The following PCYT1A variants were observed in gnomAD, a reference collection of about 807,000 sequenced individuals.
PCYT1A encodes phosphate cytidylyltransferase 1A, choline, also known as choline-phosphate cytidylyltransferase A.
Under a neutral mutation model 43.7 loss-of-function variants are expected in PCYT1A, and 25 were observed. The ratio of observed to expected loss-of-function variants is 0.57; its 90% CI spans 0.42 to 0.80. The LOEUF is 0.80. PCYT1A is among the 30% of genes least tolerant of loss of function. PCYT1A has a pLI of 0.00. For missense variants in PCYT1A, 421 were observed against 474.2 expected (o/e 0.89, Z 1.04); for synonymous variants, 172 against 170.7 (o/e 1.01, Z -0.06).
chr3:196,254,333 A>T (rs1036106542), intron 3 of PCYT1A, among the ~76,000 whole-genome samples: 32 of 151,116 alleles, frequency 2.1e-4, no homozygotes, highest in Admixed American at 4.6e-4. Flanking sequence ...GCCTATATAT[A>T]TATTTTTTTA....
At chr3:196,259,630 G>T (rs1021949828) in intron 2 of PCYT1A, among the ~76,000 whole-genome samples, 3 of 151,938 alleles carry the variant, frequency 2.0e-5, no homozygotes, top group African/African-American at 7.3e-5. Context: ...GATTGCTTGA[G>T]CCCAGGAGTT....
chr3:196,287,421 T>G (rs1454444572), intron 1 of PCYT1A, 194 bp downstream of exon 1: 1 of 152,012 alleles, frequency 6.6e-6, no homozygotes, highest in East Asian at 1.9e-4. Flanking sequence ...CTCTCCGAGG[T>G]CACCGTGTTT....
At chr3:196,244,500 C>A (rs1296861309) in intron 5 of PCYT1A, among the ~76,000 whole-genome samples, 1 of 151,712 alleles carries the variant, frequency 6.6e-6, no homozygotes, top group Non-Finnish European at 1.5e-5. Context: ...CGGCAGCCAC[C>A]CCGTCCGGGA....
intron 1 of PCYT1A, among the ~76,000 whole-genome samples, chr3:196,274,661 T>A (rs1263465354): frequency 1.3e-5 from 2 of 152,176 alleles, no homozygotes; most frequent in African/African-American, 4.8e-5. Flanking sequence ...CCCTACTGCC[T>A]CTCATAAGCC....
At chr3:196,253,238 G>A (rs1329099656) in intron 3 of PCYT1A, among the ~76,000 whole-genome samples, 1 of 149,408 alleles carries the variant, frequency 6.7e-6, no homozygotes, top group Non-Finnish European at 1.5e-5. Flanking sequence ...TCGGGAGGCT[G>A]AGGCAGGAGA....
At position 196,238,563 on chromosome 3, in the gene PCYT1A, T is replaced by TC; in HGVS notation, c.*124dup. On this transcript the variant is annotated 3_prime_UTR_variant, in exon 9 of 9. Coordinates refer to ENST00000431016, the MANE Select transcript of PCYT1A (RefSeq NM_001312673.2). ...GGTTCCCCCAGTCCTAGGTCTTCTT[T>TC]CCCCAGTTGTCTTTCCTTTGTAGCT... 1.5e-6 allele frequency: 1 copy of TC among 655,534 alleles called. No individual in the cohort carries two copies. The highest frequency in any genetic ancestry group is 2.5e-6 in the Non-Finnish European group (1 of 400,908). The allele number at this position is 655,534 out of a possible 1,614,324, so 40.6% of individuals were successfully genotyped here. A position where few individuals can be genotyped will look rare whatever the true frequency, so the allele number is the denominator to read the frequency against.
intron 5 of PCYT1A, among the ~76,000 whole-genome samples, chr3:196,243,925 G>T (rs1724454842): frequency 6.6e-6 from 1 of 152,264 alleles, no homozygotes; most frequent in African/African-American, 2.4e-5. Context: ...CTCCCAAAGT[G>T]CTGAGACTGC....
At position 196,273,584 on chromosome 3, in the gene PCYT1A, G is replaced by A. The variant is rs749789966; in HGVS notation, c.-10-3043C>T. On this transcript the variant is annotated intron_variant, in intron 1 of 8. Transcript: ENST00000431016. The surrounding 1 kb of genome is among the most constrained non-coding windows in gnomAD (Gnocchi z 4.1). ...CCTCAGCGGAGAGGAGACCCAGAGT[G>A]GATAGCTCCTATCTGCAGGCAGGTC... 6.6e-6 allele frequency among the ~76,000 whole-genome samples: 1 copy of A among 150,690 alleles called. No homozygotes were observed. Among genetic ancestry groups the A allele is most frequent in the Non-Finnish European group, 1.5e-5 (1 of 68,020 alleles).
intron 3 of PCYT1A, among the ~76,000 whole-genome samples, chr3:196,254,457 C>G (rs1017135712): frequency 1.1e-4 from 16 of 152,064 alleles, no homozygotes; most frequent in South Asian, 2.1e-4. Flanking sequence ...CTCAAACAAT[C>G]CTCTCACCTC....
At chr3:196,264,075 A>C (rs1208127327) in intron 2 of PCYT1A, among the ~76,000 whole-genome samples, 2 of 152,136 alleles carry the variant, frequency 1.3e-5, no homozygotes, top group Admixed American at 6.6e-5. Flanking sequence ...GTACTAAGTT[A>C]AACTCTTTGT....
At chr3:196,239,010 G>T in intron 8 of PCYT1A, 116 bp from the exon 9 acceptor site, 1 of 520,012 alleles carries the variant, frequency 1.9e-6, no homozygotes, top group Non-Finnish European at 3.0e-6. Flanking sequence ...GTTCTCCCCT[G>T]CTGTCATCAC....
intron 2 of PCYT1A, among the ~76,000 whole-genome samples, chr3:196,258,168 C>T (rs1725003857): frequency 2.0e-5 from 3 of 151,876 alleles, no homozygotes; most frequent in South Asian, 2.1e-4. Flanking sequence ...CACCTGTAAT[C>T]CCAGCTACTC....
intron 1 of PCYT1A, among the ~76,000 whole-genome samples, chr3:196,284,285 TA>T (rs1171061304): frequency 6.6e-6 from 1 of 152,220 alleles, no homozygotes; most frequent in East Asian, 1.9e-4. Context: ...TCAGCACTTA[TA>T]ACATCTCTAG....
rs546850985 is a variant in PCYT1A at position 196,236,116 on chromosome 3, A to G, written c.*2572T>C. On this transcript the variant is annotated 3_prime_UTR_variant, in exon 9 of 9. Transcript: ENST00000431016. ...TCAGCCTGCAGGTCCCGTTCCAAGC[A>G]CAGGGCATGCCAAGAGCAGCCCACT... 1 of 152,234 alleles carries G rather than the reference A, an allele frequency of 6.6e-6. No homozygotes were observed. Among genetic ancestry groups the G allele is most frequent in the Non-Finnish European group, 1.5e-5 (1 of 68,040 alleles). The allele number at this position is 152,234 out of a possible 1,614,324, so 9.4% of individuals were successfully genotyped here. A position where few individuals can be genotyped will look rare whatever the true frequency, so the allele number is the denominator to read the frequency against.
At chr3:196,265,840 G>T (rs1357712455) in intron 2 of PCYT1A, among the ~76,000 whole-genome samples, 2 of 151,924 alleles carry the variant, frequency 1.3e-5, no homozygotes, top group Non-Finnish European at 2.9e-5. Flanking sequence ...CTGGGTTCAC[G>T]CCATTCTCCT....
chr3:196,239,695 T>C lies in PCYT1A; in HGVS notation c.749A>G (p.Lys250Arg), dbSNP rs781390558. The C allele has an allele frequency of 2.5e-6, 4 of 1,612,026 alleles. No homozygotes were observed. The highest frequency in any genetic ancestry group is 2.5e-6 in the Non-Finnish European group (3 of 1,178,162). Residue 250 changes from lysine (K) to arginine (R), a missense_variant, in exon 8 of 9, where the codon AAG (lysine) becomes AGG (arginine). This residue lies in a region of PCYT1A where 174 missense variants were observed against 270.7 expected (regional missense o/e 0.64). Coordinates refer to ENST00000431016, the MANE Select transcript of PCYT1A (RefSeq NM_001312673.2). Reference sequence around the variant, plus strand: ...TTCCTCCACATCTTTCACTTTCTTCTTTACTTTGTCAACCCTCTCCTGCAA... The same window carrying C: ...TTCCTCCACATCTTTCACTTTCTTCCTTACTTTGTCAACCCTCTCCTGCAA... The part of the protein sequence containing the change: ...YHLQERVDKV[K>R]KKVKDVEEKS...
intron 2 of PCYT1A, among the ~76,000 whole-genome samples, chr3:196,261,078 C>T (rs1725095085): frequency 6.6e-6 from 1 of 152,100 alleles, no homozygotes; most frequent in Admixed American, 6.6e-5. Flanking sequence ...GGAAGTCGGA[C>T]ACAAAAGTCC....
At chr3:196,274,509 G>A (rs200694305) in intron 1 of PCYT1A, among the ~76,000 whole-genome samples, 4 of 63,634 alleles carry the variant, frequency 6.3e-5, no homozygotes, top group African/African-American at 1.6e-4. Flanking sequence ...TGATACTGAT[G>A]AAATTTTAGG....
intron 5 of PCYT1A, among the ~76,000 whole-genome samples, chr3:196,243,615 G>A (rs1404239618): frequency 1.3e-5 from 2 of 151,866 alleles, no homozygotes; most frequent in Admixed American, 1.3e-4. Flanking sequence ...CGCCATCTCT[G>A]CTCACTGCAA....
Sources: gnomAD v4.1 joint callset for allele counts (sites outside exome capture counted in the v4.1 genomes callset) on GRCh38, gnomAD v4.1.1 for gene constraint, gnomAD v4.1.1 regional missense constraint, Gnocchi (gnomAD v3.1) non-coding constraint, MANE v1.5 for transcripts, NCBI Gene and HGNC (gene_info 2026-07-23, HGNC 2026-07-21) for gene names.